The following ABL1 variants were observed in gnomAD, a reference collection of about 807,000 sequenced individuals.
The protein encoded by ABL1 is tyrosine-protein kinase ABL1.
In ABL1, 11 loss-of-function variants were observed where a neutral mutation model predicts 94.7. That is an observed-to-expected ratio of 0.12 (90% CI 0.07 to 0.19). The LOEUF (loss-of-function observed/expected upper bound fraction) is 0.19. Among genes scored for constraint, ABL1 ranks in the 10% least tolerant of loss-of-function variants. ABL1 has a pLI of 1.00. For missense variants in ABL1, 1,082 were observed against 1,489.4 expected (o/e 0.73, Z 4.50); for synonymous variants, 656 against 622.4 (o/e 1.05, Z -0.80).
chr9:130,769,949 C>T (rs539509329), intron 1 of ABL1, among the ~76,000 whole-genome samples: 189 of 152,264 alleles, frequency 1.2e-3, no homozygotes, highest in African/African-American at 4.4e-3. Context: ...AGTCTGAAGC[C>T]TTTGAATCTG....
At chr9:130,834,487 G>A (rs1025898412), upstream of ABL1, among the ~76,000 whole-genome samples, 4 of 152,212 alleles carry the variant, frequency 2.6e-5, no homozygotes, top group African/African-American at 9.6e-5. Context: ...CCAAACAAGA[G>A]TTTAAAATAA....
At chr9:130,741,564 C>A (rs1217232063) in intron 1 of ABL1, among the ~76,000 whole-genome samples, 1 of 151,336 alleles carries the variant, frequency 6.6e-6, no homozygotes, top group East Asian at 1.9e-4. Flanking sequence ...CGCACTGATG[C>A]ACCAGTTACC....
intron 1 of ABL1, among the ~76,000 whole-genome samples, chr9:130,732,855 G>C (rs1401527279): frequency 2.0e-5 from 3 of 151,890 alleles, no homozygotes; most frequent in African/African-American, 7.3e-5. Flanking sequence ...TCCTTTAAGA[G>C]TACTGAATTT....
chr9:130,717,819 G>A (rs189218045), intron 1 of ABL1, among the ~76,000 whole-genome samples: 2 of 152,078 alleles, frequency 1.3e-5, no homozygotes, highest in Non-Finnish European at 2.9e-5. Context: ...TTCAGGACCA[G>A]CCTGACTAAC....
chr9:130,714,521 C>T (rs762088499), intron 1 of ABL1: 24 of 1,599,772 alleles, frequency 1.5e-5, no homozygotes, highest in Non-Finnish European at 2.1e-5. Context: ...CTTCAAGGAA[C>T]TTTGAACAAC....
chr9:130,877,743 C>G (rs1831372645), intron 7 of ABL1, among the ~76,000 whole-genome samples: 1 of 146,438 alleles, frequency 6.8e-6, no homozygotes. Flanking sequence ...TGGGTTCAAG[C>G]AATTCTCCTG....
intron 1 of ABL1, among the ~76,000 whole-genome samples, chr9:130,802,391 C>A (rs146796600): frequency 6.6e-6 from 1 of 152,290 alleles, no homozygotes; most frequent in African/African-American, 2.4e-5. Flanking sequence ...ACTATGCCAG[C>A]CTTTTCAATT....
intron 1 of ABL1, among the ~76,000 whole-genome samples, chr9:130,725,369 T>C (rs1319927224): frequency 1.5e-5 from 2 of 129,096 alleles, no homozygotes; most frequent in Non-Finnish European, 3.0e-5. Context: ...TTTCACTTAG[T>C]GTTTTTGTTT....
At position 130,884,278 on chromosome 9, in the gene ABL1, G is replaced by A; in HGVS notation, c.1988G>A (p.Ser663Asn). 6.2e-7 allele frequency: 1 copy of A among 1,600,752 alleles called. No individual in the cohort carries two copies. The highest frequency in any genetic ancestry group is 2.2e-5 in the East Asian group (1 of 44,712). ...TADPAKSPKP[S>N]NGAGVPNGAL... ...GACCCAGCCAAGTCCCCAAAGCCCAGCAATGGGGCTGGGGTCCCCAATGGA... is the reference window on the plus strand; with the variant it reads ...GACCCAGCCAAGTCCCCAAAGCCCAACAATGGGGCTGGGGTCCCCAATGGA... The change falls in exon 11 of 11, where the codon AGC (serine) becomes AAC (asparagine). Residue 663 changes from serine to asparagine, a missense_variant. Coordinates refer to ENST00000318560, the MANE Select transcript of ABL1 (RefSeq NM_005157.6). This position sits in a 1 kb window ranked among gnomAD's most constrained non-coding sequence, Gnocchi z 5.6.
chr9:130,731,921 T>C (rs1443275312), intron 1 of ABL1, among the ~76,000 whole-genome samples: 1 of 151,964 alleles, frequency 6.6e-6, no homozygotes, highest in Non-Finnish European at 1.5e-5. Flanking sequence ...CTTTTTTTTT[T>C]CTGTTAATGA....
At chr9:130,859,804 T>C (rs932615256) in intron 3 of ABL1, among the ~76,000 whole-genome samples, 7 of 142,774 alleles carry the variant, frequency 4.9e-5, no homozygotes, top group Admixed American at 2.2e-4. Context: ...CATCAGCCTC[T>C]CAAGTAGCTG....
At chr9:130,768,339 C>T (rs898571251) in intron 1 of ABL1, among the ~76,000 whole-genome samples, 2 of 152,238 alleles carry the variant, frequency 1.3e-5, no homozygotes, top group Admixed American at 6.5e-5. Flanking sequence ...GGGCATTTAG[C>T]AGCAACTCAG....
chr9:130,751,129 CTTTTTTTTTTTTT>C (rs60206110), intron 1 of ABL1, among the ~76,000 whole-genome samples: 25 of 57,486 alleles, frequency 4.3e-4, no homozygotes, highest in Admixed American at 2.1e-3. Context: ...TTTTATTCAG[CTTTTTTTTTTTTT>C]TTTTTTTTTT....
At chr9:130,861,946 G>T in intron 3 of ABL1, among the ~76,000 whole-genome samples, 1 of 152,322 alleles carries the variant, frequency 6.6e-6, no homozygotes, top group East Asian at 1.9e-4. Context: ...CTCCAGCTCT[G>T]TTGTGTCCAG....
At chr9:130,714,321 T>C (rs1264119226) in exon 1 of ABL1, 1 of 1,599,410 alleles carries the variant, frequency 6.3e-7, no homozygotes, top group Non-Finnish European at 8.5e-7. Context: ...TATTACTTTA[T>C]GGGGCAGCAG....
rs1831387645 is a variant in ABL1 at position 130,878,357 on chromosome 9, G to A, written c.1271-58G>A. 9 of 1,589,580 alleles carry A rather than the reference G, an allele frequency of 5.7e-6. No homozygotes were observed. In the Admixed American group the frequency reaches 1.0e-4, roughly 18 times the overall value. ...GCTGCAAAGGTAACTGATTTTAAAT[G>A]TAGTGTAGTGAAATGCTACACATCT... On this transcript the variant is annotated intron_variant, in intron 7 of 10. Transcript: ENST00000318560.
intron 1 of ABL1, among the ~76,000 whole-genome samples, chr9:130,793,262 A>G (rs1223452151): frequency 6.6e-6 from 1 of 152,188 alleles, no homozygotes; most frequent in Non-Finnish European, 1.5e-5. Context: ...TAAGATTCAC[A>G]TGGAATTTGC....
At chr9:130,799,096 T>C (rs1564293292) in intron 1 of ABL1, among the ~76,000 whole-genome samples, 1 of 152,064 alleles carries the variant, frequency 6.6e-6, no homozygotes, top group Non-Finnish European at 1.5e-5. Flanking sequence ...TTATCCTTAA[T>C]AGAAATATCT....
intron 1 of ABL1, among the ~76,000 whole-genome samples, chr9:130,805,307 T>C (rs1022431620): frequency 7.9e-5 from 12 of 152,352 alleles, no homozygotes; most frequent in South Asian, 2.1e-4. Context: ...CTCGAACTCC[T>C]GACCTCGTGA....
Sources: gnomAD v4.1 joint callset for allele counts (sites outside exome capture counted in the v4.1 genomes callset) on GRCh38, gnomAD v4.1.1 for gene constraint, Gnocchi (gnomAD v3.1) non-coding constraint, MANE v1.5 for transcripts, NCBI Gene and HGNC (gene_info 2026-07-23, HGNC 2026-07-21) for gene names.